FCHO2: variants seen among roughly 807,000 people sequenced by gnomAD.
The protein encoded by FCHO2 is F-BAR domain only protein 2.
Under a neutral mutation model 114.1 loss-of-function variants are expected in FCHO2, and 43 were observed. The observed-to-expected ratio is 0.38, with a 90% CI of 0.30 to 0.49. The LOEUF (loss-of-function observed/expected upper bound fraction) is 0.49. Ranked by LOEUF, FCHO2 falls within the 20% of genes least tolerant of loss-of-function variation. The pLI is 0.97. For missense variants in FCHO2, 807 were observed against 950.4 expected, an observed-to-expected ratio of 0.85 and a Z score of 1.98; for synonymous variants, 293 against 315.2, an observed-to-expected ratio of 0.93 and a Z score of 0.75.
At chr5:72,992,306 A>G (rs1753851305) in intron 5 of FCHO2, among the ~76,000 whole-genome samples, 1 of 152,220 alleles carries the variant, frequency 6.6e-6, no homozygotes, top group Non-Finnish European at 1.5e-5. Context: ...CCAAAATGAG[A>G]CACAGTAAAT....
At chr5:73,083,939 A>C (rs965000108) in intron 24 of FCHO2, among the ~76,000 whole-genome samples, 1 of 151,656 alleles carries the variant, frequency 6.6e-6, no homozygotes, top group Admixed American at 6.6e-5. Context: ...CAGTTCTCTA[A>C]AAGAACCTTT....
chr5:72,978,553 A>G (rs1295126109), intron 2 of FCHO2, among the ~76,000 whole-genome samples: 1 of 152,184 alleles, frequency 6.6e-6, no homozygotes, highest in African/African-American at 2.4e-5. Flanking sequence ...GTCATCTTCA[A>G]ACAGAGACAA....
chr5:73,007,971 G>A (rs990107717), intron 6 of FCHO2, among the ~76,000 whole-genome samples: 14 of 152,080 alleles, frequency 9.2e-5, no homozygotes, highest in African/African-American at 3.1e-4. Flanking sequence ...AGGCTTTGGG[G>A]ATCATGAGTA....
chr5:72,956,234 G>GGCGAGCGTCCTCCTGCCGC, intron 1 of FCHO2, 105 bp downstream of exon 1: 2 of 1,450,548 alleles, frequency 1.4e-6, no homozygotes, highest in Non-Finnish European at 1.9e-6. Flanking sequence ...CCTCCGGCAG[G>GGCGAGCGTCCTCCTGCCGC]GCGAGCGTCC....
At chr5:72,996,708 G>C (rs1258429635) in intron 5 of FCHO2, among the ~76,000 whole-genome samples, 1 of 152,112 alleles carries the variant, frequency 6.6e-6, no homozygotes, top group African/African-American at 2.4e-5. Context: ...GGCTGCCAAC[G>C]CCTGTCCGCC....
chr5:73,010,134 A>G (rs1215717035), intron 6 of FCHO2, among the ~76,000 whole-genome samples: 1 of 152,152 alleles, frequency 6.6e-6, no homozygotes, highest in Non-Finnish European at 1.5e-5. Context: ...GACCAGTCTC[A>G]GTGGGAAAGA....
chr5:72,996,600 C>T (rs1018522064), intron 5 of FCHO2, among the ~76,000 whole-genome samples: 3 of 151,308 alleles, frequency 2.0e-5, no homozygotes, highest in African/African-American at 7.3e-5. Context: ...TTCCCCTTCC[C>T]TCCTGGTCTC....
chr5:73,040,716 C>G (rs1580150871), intron 10 of FCHO2, among the ~76,000 whole-genome samples: 1 of 152,158 alleles, frequency 6.6e-6, no homozygotes, highest in East Asian at 1.9e-4. Flanking sequence ...TGGAAGTCTA[C>G]TCAGTATATT....
At chr5:73,025,177 T>A (rs1009302197) in intron 8 of FCHO2, among the ~76,000 whole-genome samples, 2 of 152,044 alleles carry the variant, frequency 1.3e-5, no homozygotes, top group Admixed American at 1.3e-4. Context: ...TATGGGTGAC[T>A]AATTGCAGCT....
rs557479765 is a variant in FCHO2 at position 72,994,052 on chromosome 5, A to G, written c.495+3188A>G. Among the ~76,000 whole-genome samples the G allele has an allele frequency of 2.4e-4, 37 of 152,230 alleles. 1 individual carries two copies. Among genetic ancestry groups the G allele is most frequent in the Non-Finnish European group, 4.7e-4 (32 of 68,038 alleles). On this transcript the variant is annotated intron_variant, in intron 5 of 25. Transcript: ENST00000430046. ...AAAACTCTGGAAGACACCTGAGGCA[A>G]TACCATTCTGGACATAGGAATGGGC...
intron 5 of FCHO2, among the ~76,000 whole-genome samples, chr5:73,001,509 CTT>C (rs1172634486): frequency 1.3e-5 from 2 of 148,722 alleles, no homozygotes; most frequent in Non-Finnish European, 3.0e-5. Context: ...TAGTGCTTCT[CTT>C]GTCAGTTTTC....
At chr5:72,998,301 C>T (rs1754237635) in intron 5 of FCHO2, among the ~76,000 whole-genome samples, 1 of 152,006 alleles carries the variant, frequency 6.6e-6, no homozygotes, top group African/African-American at 2.4e-5. Flanking sequence ...TCCTGGCTAA[C>T]ACGGTGAAAC....
intron 8 of FCHO2, among the ~76,000 whole-genome samples, chr5:73,021,808 TAAG>T (rs1043593596): frequency 1.3e-5 from 2 of 152,206 alleles, no homozygotes; most frequent in Admixed American, 6.5e-5. Context: ...ATTAGGGTGT[TAAG>T]AAGGTTGGAA....
At chr5:73,083,666 T>A (rs1743197668) in intron 24 of FCHO2, among the ~76,000 whole-genome samples, 1 of 151,958 alleles carries the variant, frequency 6.6e-6, no homozygotes, top group South Asian at 2.1e-4. Flanking sequence ...CCGAGGTGGG[T>A]GGATCACTTG....
chr5:72,997,531 T>C, intron 5 of FCHO2: 1 of 1,345,496 alleles, frequency 7.4e-7, no homozygotes, highest in Non-Finnish European at 1.1e-6. Context: ...CCTGGTTCAG[T>C]GACCCCAGTG....
intron 1 of FCHO2, among the ~76,000 whole-genome samples, chr5:72,963,699 C>G (rs950496372): frequency 3.9e-5 from 6 of 151,952 alleles, no homozygotes; most frequent in African/African-American, 1.4e-4. Flanking sequence ...CAGGCGCATG[C>G]CACCACACCC....
chr5:72,969,401 T>C (rs1198186005), intron 2 of FCHO2, among the ~76,000 whole-genome samples: 1 of 152,226 alleles, frequency 6.6e-6, no homozygotes, highest in Non-Finnish European at 1.5e-5. Flanking sequence ...AACTATTCTA[T>C]AAGTTCGGTT....
At chr5:73,007,342 A>G (rs939784839) in intron 6 of FCHO2, among the ~76,000 whole-genome samples, 3 of 152,162 alleles carry the variant, frequency 2.0e-5, no homozygotes, top group Admixed American at 2.0e-4. Context: ...GTTCTTAGTT[A>G]TGTCTAAGGG....
intron 24 of FCHO2, among the ~76,000 whole-genome samples, chr5:73,083,106 G>A (rs1175118082): frequency 6.6e-6 from 1 of 151,646 alleles, no homozygotes; most frequent in East Asian, 1.9e-4. Context: ...GGATGGTCTC[G>A]ATCTCCTGAC....
Sources: gnomAD v4.1 joint callset for allele counts (sites outside exome capture counted in the v4.1 genomes callset) on GRCh38, gnomAD v4.1.1 for gene constraint, MANE v1.5 for transcripts, NCBI Gene and HGNC (gene_info 2026-07-23, HGNC 2026-07-21) for gene names.